The following ANXA13 variants were observed in gnomAD, a reference collection of about 807,000 sequenced individuals.
The protein encoded by ANXA13 is annexin A13.
Under a neutral mutation model 46.6 loss-of-function variants are expected in ANXA13, and 36 were observed. The ratio of observed to expected loss-of-function variants is 0.77; its 90% confidence interval spans 0.59 to 1.02. ANXA13 has a LOEUF of 1.02. Ranked by LOEUF, ANXA13 falls within the 50% of genes least tolerant of loss-of-function variation. The pLI is 0.00. For synonymous variants in ANXA13, 163 were observed against 152.9 expected, an observed-to-expected ratio of 1.07 and a Z score of -0.49; for missense variants, 417 against 396.5, an observed-to-expected ratio of 1.05 and a Z score of -0.44.
chr8:123,728,696 A>G (rs1814049842), intron 1 of ANXA13: 1 of 152,194 alleles, frequency 6.6e-6, no homozygotes, highest in Non-Finnish European at 1.5e-5. Context: ...AAAAGGAAAC[A>G]AGGTAAAATA....
chr8:123,722,347 AAAG>A (rs1211781628), intron 1 of ANXA13, among the ~76,000 whole-genome samples: 2 of 37,344 alleles, frequency 5.4e-5, no homozygotes, highest in Non-Finnish European at 1.7e-4. Context: ...AAAAGAAAAG[AAAG>A]AAAGAAAGAA....
chr8:123,702,124 TAAAG>T (rs1813456733), intron 3 of ANXA13, among the ~76,000 whole-genome samples: 1 of 152,132 alleles, frequency 6.6e-6, no homozygotes, highest in Non-Finnish European at 1.5e-5. Flanking sequence ...TACATATTAA[TAAAG>T]AAATAAGAAA....
At chr8:123,717,929 CGCTGCTAACGCTGTACCTCTGGCTTG>C (rs1190671119) in intron 1 of ANXA13, among the ~76,000 whole-genome samples, 20 of 152,258 alleles carry the variant, frequency 1.3e-4, no homozygotes, top group African/African-American at 4.8e-4. Context: ...GGTACAATTA[CGCTGCTAACGCTGTACCTCTGGCTTG>C]GGGCTCACGC....
At chr8:123,687,185 A>G (rs1406443828) in intron 9 of ANXA13, among the ~76,000 whole-genome samples, 5 of 152,104 alleles carry the variant, frequency 3.3e-5, no homozygotes, top group Non-Finnish European at 7.4e-5. Context: ...GTAAATGTTA[A>G]ATCATTGAAT....
At chr8:123,684,392 A>C (rs1813097921) in intron 10 of ANXA13, among the ~76,000 whole-genome samples, 1 of 152,184 alleles carries the variant, frequency 6.6e-6, no homozygotes, top group African/African-American at 2.4e-5. Context: ...AGAGCCACAG[A>C]GGACAAAAAA....
chr8:123,710,902 GCCCCTT>G (rs1413254058), intron 2 of ANXA13, among the ~76,000 whole-genome samples: 29 of 152,274 alleles, frequency 1.9e-4, no homozygotes, highest in African/African-American at 7.0e-4. Flanking sequence ...AATCCACTTT[GCCCCTT>G]GACCCCTCTG....
chr8:123,727,053 G>A (rs4871411), intron 1 of ANXA13, among the ~76,000 whole-genome samples: 54,924 of 151,800 alleles, frequency 0.36, 10,257 homozygotes, highest in South Asian at 0.47. Context: ...GGACTTGGGG[G>A]AAAGGGTGGG....
intron 1 of ANXA13, among the ~76,000 whole-genome samples, chr8:123,732,014 A>G (rs994474824): frequency 2.6e-5 from 4 of 152,220 alleles, no homozygotes; most frequent in Non-Finnish European, 4.4e-5. Flanking sequence ...GAGAAAGCTC[A>G]GGGAAGGGGC....
chr8:123,715,235 A>G (rs780616683), intron 1 of ANXA13, among the ~76,000 whole-genome samples: 12 of 152,200 alleles, frequency 7.9e-5, no homozygotes, highest in Non-Finnish European at 1.8e-4. Context: ...TCAGAGTATT[A>G]AGCCAAGCAC....
chr8:123,696,102 C>G (rs1170978518), intron 4 of ANXA13, among the ~76,000 whole-genome samples: 3 of 152,012 alleles, frequency 2.0e-5, no homozygotes, highest in Admixed American at 2.0e-4. Flanking sequence ...GAAAGATACA[C>G]AGATTTTTTT....
intron 4 of ANXA13, among the ~76,000 whole-genome samples, chr8:123,697,616 C>T (rs1407360276): frequency 6.6e-6 from 1 of 152,182 alleles, no homozygotes; most frequent in Non-Finnish European, 1.5e-5. Context: ...TCTGCTCCAA[C>T]ATCTGCTTCT....
intron 7 of ANXA13, among the ~76,000 whole-genome samples, 168 bp from the exon 8 acceptor site, chr8:123,693,466 A>T (rs1446104367): frequency 6.6e-6 from 1 of 152,216 alleles, no homozygotes; most frequent in Non-Finnish European, 1.5e-5. Context: ...TCACATACTT[A>T]TTTATATTGT....
At chr8:123,715,072 C>T (rs191752985) in intron 1 of ANXA13, among the ~76,000 whole-genome samples, 4 of 152,234 alleles carry the variant, frequency 2.6e-5, no homozygotes, top group Non-Finnish European at 5.9e-5. Flanking sequence ...CTCCTGTTTT[C>T]CTTATCCAAA....
At chr8:123,724,431 T>G (rs1813943172) in intron 1 of ANXA13, among the ~76,000 whole-genome samples, 1 of 152,180 alleles carries the variant, frequency 6.6e-6, no homozygotes. Flanking sequence ...GTATAAATAT[T>G]TCTAAAACTC....
chr8:123,699,461 C>T (rs946775565), intron 3 of ANXA13, among the ~76,000 whole-genome samples: 1 of 152,212 alleles, frequency 6.6e-6, no homozygotes, highest in South Asian at 2.1e-4. Flanking sequence ...GGATTATAGG[C>T]GTGAGCCACC....
intron 2 of ANXA13, chr8:123,712,237 A>G (rs1252552816): frequency 5.6e-6 from 1 of 177,848 alleles, no homozygotes; most frequent in Non-Finnish European, 1.2e-5. Context: ...TCCTGCTGCC[A>G]TATAAGAAGT....
Position 123,683,306 on chromosome 8 carries a change from C to T in ANXA13, c.831+1304G>A, listed in dbSNP as rs1813072889. ...ATAGAAATAAAAAAGCAAGAACCAT[C>T]TTGTTGCAAAGTTATATTTAAAAAC... On this transcript the variant is annotated intron_variant, in intron 10 of 10. Transcript: ENST00000419625. Among the ~76,000 whole-genome samples the T allele has an allele frequency of 2.0e-5, 3 of 152,118 alleles. No individual in the cohort carries two copies. In the South Asian group the frequency reaches 6.2e-4, roughly 32 times the overall value.
intron 1 of ANXA13, among the ~76,000 whole-genome samples, chr8:123,720,690 G>GTGTGTA (rs1216777873): frequency 6.6e-6 from 1 of 151,632 alleles, no homozygotes; most frequent in Admixed American, 6.6e-5. Flanking sequence ...GTGTGTGTGT[G>GTGTGTA]TGTGTGTGAG....
chr8:123,727,486 C>A (rs972270659), intron 1 of ANXA13, among the ~76,000 whole-genome samples: 1 of 151,976 alleles, frequency 6.6e-6, no homozygotes, highest in Non-Finnish European at 1.5e-5. Flanking sequence ...CTCAATAAAC[C>A]AGGAGCGATT....
Sources: gnomAD v4.1 joint callset for allele counts (sites outside exome capture counted in the v4.1 genomes callset) on GRCh38, gnomAD v4.1.1 for gene constraint, MANE v1.5 for transcripts, NCBI Gene and HGNC (gene_info 2026-07-23, HGNC 2026-07-21) for gene names.